AKNA: variants seen among roughly 807,000 people sequenced by gnomAD.
The protein encoded by AKNA is AT-hook transcription factor, also known as microtubule organization protein AKNA.
Under a neutral mutation model 138.8 loss-of-function variants are expected in AKNA, and 67 were observed. The ratio of observed to expected loss-of-function variants is 0.48; its 90% CI spans 0.40 to 0.59. The LOEUF is 0.59. Among genes scored for constraint, AKNA ranks in the 20% least tolerant of loss-of-function variants. The pLI, the probability that AKNA is intolerant of heterozygous loss-of-function variation, is 0.00. For synonymous variants in AKNA, 737 were observed against 754.4 expected (o/e 0.98, Z 0.38); for missense variants, 1,813 against 1,880.4 (o/e 0.96, Z 0.66).
At chr9:114,352,881 A>C (rs1435217311) in intron 14 of AKNA, among the ~76,000 whole-genome samples, 1 of 151,926 alleles carries the variant, frequency 6.6e-6, no homozygotes, top group Non-Finnish European at 1.5e-5. Context: ...AGAGTGCACC[A>C]TTGCACTCCA....
At chr9:114,386,334 ATGAGGATT>A (rs553284164) in intron 1 of AKNA, among the ~76,000 whole-genome samples, 41 of 152,332 alleles carry the variant, frequency 2.7e-4, no homozygotes, top group African/African-American at 7.9e-4. Context: ...TTGAGAAACA[ATGAGGATT>A]TGGGGGAGAA....
intron 18 of AKNA, 173 bp from the exon 19 acceptor site, chr9:114,343,976 ATATT>A (rs1238123929): frequency 1.7e-6 from 1 of 602,186 alleles, no homozygotes; most frequent in African/African-American, 1.9e-5. Flanking sequence ...AAATATGTAC[ATATT>A]TAAGTATGAC....
chr9:114,364,588 C>A lies in AKNA; in HGVS notation c.1760G>T (p.Gly587Val). Residue 587 changes from glycine (G) to valine (V), a missense_variant, in exon 7 of 22, where the codon GGA becomes GTA. By Grantham distance (109) the Gly-to-Val change is moderately radical. Coordinates refer to ENST00000374088, the MANE Select transcript of AKNA (RefSeq NM_001317950.2). ...GACTTGGTCCTGGGGCATGAGACGT[C>A]CTGCCTGTATCAGTCTTTCAAAGGA... ...VESFERLIQA[G>V]RLMPQDQVKG... The A allele has an allele frequency of 6.2e-7, 1 of 1,613,976 alleles. No individual in the cohort carries two copies. The highest frequency in any genetic ancestry group is 8.5e-7 in the Non-Finnish European group (1 of 1,180,044).
intron 19 of AKNA, 76 bp downstream of exon 19, chr9:114,343,632 C>G: frequency 6.8e-7 from 1 of 1,468,792 alleles, no homozygotes; most frequent in South Asian, 1.1e-5. Context: ...CAGATCTTGT[C>G]AAGTACACAC....
At position 114,341,628 on chromosome 9, in the gene AKNA, T is replaced by C; in HGVS notation, c.3972A>G (p.Gly1324=). 1 of 1,612,172 alleles carries C rather than the reference T, an allele frequency of 6.2e-7. No homozygotes were observed. The part of the protein sequence containing the change: ...QAGSSPRPPP[G]LWYLATAPPA... Reference sequence around the variant, plus strand: ...GGGGCGCTGTTGCCAGATACCACAGTCCGGGGGGTGGGCGTGGCGACGACC... The same window carrying C: ...GGGGCGCTGTTGCCAGATACCACAGCCCGGGGGGTGGGCGTGGCGACGACC... The change falls in exon 21 of 22, where the codon GGA becomes GGG. Residue 1324 remains glycine (G), a synonymous_variant. Transcript: ENST00000374088.
intron 9 of AKNA, among the ~76,000 whole-genome samples, chr9:114,360,484 C>A (rs1831867532): frequency 6.6e-6 from 1 of 152,176 alleles, no homozygotes; most frequent in Non-Finnish European, 1.5e-5. Context: ...CAGCCCCCTG[C>A]AATACCTTCA....
chr9:114,350,935 C>A lies in AKNA; in HGVS notation c.3145G>T (p.Ala1049Ser). 1 of 806,048 alleles carries A rather than the reference C, an allele frequency of 1.2e-6. No individual in the cohort carries two copies. 49.9% of individuals were successfully genotyped at this position (806,048 alleles called of 1,614,324 possible). Residue 1049 changes from alanine (A) to serine (S), a missense_variant, in exon 15 of 22, where the codon GCC becomes TCC. Coordinates refer to ENST00000374088, the MANE Select transcript of AKNA (RefSeq NM_001317950.2). ...NKTISPPPAP[A>S]PAAAPLPCGP... ...CAGGGTAGAGGCGCAGCGGCAGGGG[C>A]GGGGGCTGGGGGTGGGCTGATTGTC...
chr9:114,375,262 G>A (rs893156202), intron 3 of AKNA, among the ~76,000 whole-genome samples: 1 of 152,214 alleles, frequency 6.6e-6, no homozygotes, highest in East Asian at 1.9e-4. Flanking sequence ...GACTGCGGAC[G>A]ACTCTGCAGG....
At chr9:114,386,853 C>T (rs1834068143) in intron 1 of AKNA, among the ~76,000 whole-genome samples, 1 of 152,100 alleles carries the variant, frequency 6.6e-6, no homozygotes, top group African/African-American at 2.4e-5. Flanking sequence ...GCCCAGACGC[C>T]CAGGCTCTCC....
chr9:114,391,815 T>C (rs1288046713), upstream of AKNA, among the ~76,000 whole-genome samples: 2 of 125,038 alleles, frequency 1.6e-5, no homozygotes, highest in Admixed American at 8.9e-5. Flanking sequence ...GATTGCACCA[T>C]TGCACTCCAG....
At chr9:114,364,749 G>A in intron 6 of AKNA, 130 bp from the exon 7 acceptor site, 2 of 935,634 alleles carry the variant, frequency 2.1e-6, no homozygotes, top group South Asian at 2.8e-5. Flanking sequence ...TGCCAAGCAT[G>A]GAGACGTGGG....
intron 4 of AKNA, among the ~76,000 whole-genome samples, chr9:114,369,105 C>T (rs1426489316): frequency 1.3e-5 from 2 of 152,070 alleles, no homozygotes; most frequent in Admixed American, 6.5e-5. Context: ...AATGAGTGAA[C>T]CAGCAAGTAA....
upstream of AKNA, among the ~76,000 whole-genome samples, chr9:114,390,910 T>A (rs1834309779): frequency 6.6e-6 from 1 of 152,254 alleles, no homozygotes; most frequent in Non-Finnish European, 1.5e-5. Flanking sequence ...ATATTTCATA[T>A]GTGATTATTT....
Position 114,377,257 on chromosome 9 carries a change from A to C in AKNA, c.550T>G (p.Ser184Ala). 2.5e-6 allele frequency: 4 copies of C among 1,614,132 alleles called. No homozygotes were observed. Among genetic ancestry groups the C allele is most frequent in the Non-Finnish European group, 3.4e-6 (4 of 1,180,016 alleles). The change falls in exon 3 of 22, where the codon TCT becomes GCT. Residue 184 changes from serine to alanine, a missense_variant. Physicochemically the swap from Ser to Ala is moderately conservative, Grantham distance 99. Coordinates refer to ENST00000374088, the MANE Select transcript of AKNA (RefSeq NM_001317950.2). ...GATGGGTTGACCTCGGAATGTTCAG[A>C]AAGTTTGTCCCCACTGGCTTGTTCG... ...SGEQASGDKL[S>A]EHSEVNPSVE...
At chr9:114,346,397 G>A (rs533856923) in intron 17 of AKNA, among the ~76,000 whole-genome samples, 1 of 152,186 alleles carries the variant, frequency 6.6e-6, no homozygotes, top group East Asian at 1.9e-4. Flanking sequence ...GGGCTTCAGC[G>A]CCCTTATCTG....
intron 19 of AKNA, among the ~76,000 whole-genome samples, chr9:114,342,389 C>G (rs904127838): frequency 4.6e-5 from 7 of 152,210 alleles, no homozygotes; most frequent in African/African-American, 9.6e-5. Flanking sequence ...CTCACTCCCC[C>G]ACTTTACAGA....
rs769548528 is a variant in AKNA, at chr9:114,361,672, G to C, written c.2124+32C>G. The C allele has an allele frequency of 8.1e-6, 13 of 1,608,642 alleles. 1 individual carries two copies. In the Admixed American group the frequency reaches 1.2e-4, roughly 14 times the overall value. On this transcript the variant is annotated intron_variant, in intron 9 of 21. Transcript: ENST00000374088. ...TTAACGAAGAAATGAATGCACGAGG[G>C]AACAGCCCAATATGGTTGAGCCAAG...
At chr9:114,341,388 G>T in intron 21 of AKNA, 145 bp downstream of exon 21, 1 of 1,011,370 alleles carries the variant, frequency 9.9e-7, no homozygotes, top group Non-Finnish European at 1.5e-6. Context: ...CTATATGAGT[G>T]TTGGGCTCCT....
chr9:114,380,069 T>G (rs562282343), intron 2 of AKNA, among the ~76,000 whole-genome samples: 1 of 152,018 alleles, frequency 6.6e-6, no homozygotes, highest in South Asian at 2.1e-4. Context: ...GAGGATTGAT[T>G]GAGCCAGAAA....
Sources: allele counts gnomAD v4.1 joint callset (sites outside exome capture counted in the v4.1 genomes callset), GRCh38; gene constraint gnomAD v4.1.1; transcripts MANE v1.5; gene names NCBI Gene and HGNC (gene_info 2026-07-23, HGNC 2026-07-21).